DCC: variants seen among roughly 807,000 people sequenced by gnomAD.
DCC encodes netrin receptor DCC.
Under a neutral mutation model 172.5 loss-of-function variants are expected in DCC, and 58 were observed. That is an observed-to-expected ratio of 0.34 (90% CI 0.27 to 0.42). The LOEUF (loss-of-function observed/expected upper bound fraction) is 0.42, where lower values mean the gene tolerates loss of function less well. Among genes scored for constraint, DCC ranks in the 10% least tolerant of loss-of-function variants. The probability of loss-of-function intolerance (pLI) is 1.00; values close to 1 mark genes in which losing one functional copy is unlikely to be tolerated. For missense variants in DCC, 1,740 were observed against 1,791.0 expected (o/e 0.97, Z 0.51); for synonymous variants, 709 against 644.5 (o/e 1.10, Z -1.52).
intron 2 of DCC, among the ~76,000 whole-genome samples, chr18:52,838,305 T>G (rs1322707000): frequency 1.3e-5 from 2 of 152,228 alleles, no homozygotes; most frequent in Admixed American, 6.5e-5. Context: ...CATTTTTAAT[T>G]GAAATATATG....
chr18:53,312,919 GGGGAGGGGAGGGAAGGGAAA>G (rs1181921844), intron 13 of DCC, among the ~76,000 whole-genome samples: 1 of 74,520 alleles, frequency 1.3e-5, no homozygotes, highest in South Asian at 3.6e-4. Context: ...GGGAAAGGGA[GGGGAGGGGAGGGAAGGGAAA>G]GGGAGGGGAG....
chr18:53,408,474 C>T (rs1305621279), intron 19 of DCC, among the ~76,000 whole-genome samples: 1 of 152,120 alleles, frequency 6.6e-6, no homozygotes, highest in African/African-American at 2.4e-5. Flanking sequence ...TCATCAAAGG[C>T]GAAAGAAGAG....
intron 2 of DCC, among the ~76,000 whole-genome samples, chr18:52,893,128 C>G (rs1438999112): frequency 1.3e-5 from 2 of 152,088 alleles, no homozygotes; most frequent in Non-Finnish European, 2.9e-5. Flanking sequence ...CTCTCTACTG[C>G]ATCTTTGTAT....
intron 1 of DCC, among the ~76,000 whole-genome samples, chr18:52,611,686 A>C (rs1748942649): frequency 6.6e-6 from 1 of 152,228 alleles, no homozygotes; most frequent in Non-Finnish European, 1.5e-5. Flanking sequence ...CCATTCTGAC[A>C]CTAACTGCTT....
At chr18:53,467,813 G>T (rs766375828) in intron 24 of DCC, 81 bp from the exon 25 acceptor site, 1 of 789,538 alleles carries the variant, frequency 1.3e-6, no homozygotes, top group Admixed American at 1.7e-5. Context: ...GACTGAAAAG[G>T]CATTGGAATG....
At chr18:53,061,164 G>C (rs2042489704) in intron 5 of DCC, among the ~76,000 whole-genome samples, 1 of 152,054 alleles carries the variant, frequency 6.6e-6, no homozygotes, top group African/African-American at 2.4e-5. Flanking sequence ...TAGTAACAGA[G>C]GCACTCGCAG....
intron 5 of DCC, among the ~76,000 whole-genome samples, chr18:53,015,435 C>CT (rs1034114288): frequency 6.6e-6 from 1 of 152,062 alleles, no homozygotes; most frequent in African/African-American, 2.4e-5. Context: ...TTATTGAACA[C>CT]TTTGTTTCTG....
At chr18:53,364,562 A>G (rs930435013) in intron 15 of DCC, among the ~76,000 whole-genome samples, 3 of 152,136 alleles carry the variant, frequency 2.0e-5, no homozygotes, top group Non-Finnish European at 4.4e-5. Context: ...AAAAATTACA[A>G]CCTTCATCGA....
intron 12 of DCC, among the ~76,000 whole-genome samples, chr18:53,257,248 T>C (rs1568395241): frequency 6.6e-6 from 1 of 152,274 alleles, no homozygotes; most frequent in South Asian, 2.1e-4. Flanking sequence ...TCCAACACTA[T>C]GTTGAATAGG....
intron 5 of DCC, among the ~76,000 whole-genome samples, chr18:53,035,294 A>G (rs890573529): frequency 2.6e-5 from 4 of 151,958 alleles, no homozygotes; most frequent in African/African-American, 9.7e-5. Flanking sequence ...ACTATTTTCT[A>G]TCTCACTAAA....
At chr18:53,049,037 T>C (rs2042298159) in intron 5 of DCC, among the ~76,000 whole-genome samples, 2 of 152,098 alleles carry the variant, frequency 1.3e-5, no homozygotes, top group Non-Finnish European at 2.9e-5. Context: ...GGTTGTTTAG[T>C]ATTTTTTTTG....
At chr18:53,202,114 A>C (rs897225254) in intron 9 of DCC, among the ~76,000 whole-genome samples, 4 of 152,204 alleles carry the variant, frequency 2.6e-5, no homozygotes, top group African/African-American at 9.7e-5. Context: ...TCAAGTAGCA[A>C]CTTATACACC....
At chr18:53,369,954 A>G (rs554736326) in intron 15 of DCC, among the ~76,000 whole-genome samples, 2 of 151,926 alleles carry the variant, frequency 1.3e-5, no homozygotes, top group East Asian at 3.9e-4. Flanking sequence ...CTTTGGTAAT[A>G]GGAAAATGCT....
intron 22 of DCC, among the ~76,000 whole-genome samples, chr18:53,443,245 C>T (rs1283732355): frequency 2.6e-5 from 4 of 152,170 alleles, no homozygotes; most frequent in African/African-American, 9.7e-5. Context: ...GGGTATAGTG[C>T]AGCTGGATTT....
chr18:52,692,253 G>A (rs1287938914), intron 1 of DCC, among the ~76,000 whole-genome samples: 1 of 152,054 alleles, frequency 6.6e-6, no homozygotes, highest in Admixed American at 6.6e-5. Flanking sequence ...GGAAACAAAA[G>A]GATCTTTGCC....
chr18:53,035,140 C>T (rs958233993), intron 5 of DCC, among the ~76,000 whole-genome samples: 1 of 148,022 alleles, frequency 6.8e-6, no homozygotes, highest in African/African-American at 2.5e-5. Context: ...ATTGGGATAT[C>T]CATCACCTCA....
At position 53,139,286 on chromosome 18, in the gene DCC, A is replaced by G. The variant is rs548963265; in HGVS notation, c.1262-18070A>G. 3.3e-5 allele frequency among the ~76,000 whole-genome samples: 5 copies of G among 152,312 alleles called. No homozygotes were observed. In the East Asian group the frequency reaches 9.7e-4, roughly 29 times the overall value. On this transcript the variant is annotated intron_variant, in intron 7 of 28. Coordinates refer to ENST00000442544, the MANE Select transcript of DCC (RefSeq NM_005215.4). ...CAAAAAGCAGCAGAATGTGCTATTTATAATTATGCAGCTTTCTTCTGGGAT... is the reference window on the plus strand; with the variant it reads ...CAAAAAGCAGCAGAATGTGCTATTTGTAATTATGCAGCTTTCTTCTGGGAT...
In DCC at chr18:53,226,948, A is replaced by ATATATATATATATATTTTTTTTTT; in HGVS notation, c.1911+11352_1911+11353insATATATATATATATTTTTTTTTTT. Among the ~76,000 whole-genome samples, 93 of 52,908 alleles carry ATATATATATATATATTTTTTTTTT rather than the reference A, an allele frequency of 1.8e-3. 1 individual carries two copies. Among genetic ancestry groups the ATATATATATATATATTTTTTTTTT allele is most frequent in the African/African-American group, 8.0e-3 (85 of 10,586 alleles). The allele number at this position is 52,908 out of a possible 152,430, so 34.7% of individuals were successfully genotyped here. On this transcript the variant is annotated intron_variant, in intron 12 of 28. Transcript: ENST00000442544. ...TGTGTGTGTGTGTATATATATATAT[A>ATATATATATATATATTTTTTTTTT]TTTTTTTTTTTTTTTTTTTGAGGCA...
At chr18:52,379,244 A>G (rs1004415821) in intron 1 of DCC, among the ~76,000 whole-genome samples, 1 of 146,222 alleles carries the variant, frequency 6.8e-6, no homozygotes, top group African/African-American at 2.6e-5. Context: ...ACAAAAGCAT[A>G]ATGTTTTTTT....
Sources: gnomAD v4.1 joint callset for allele counts (sites outside exome capture counted in the v4.1 genomes callset) on GRCh38, gnomAD v4.1.1 for gene constraint, MANE v1.5 for transcripts, NCBI Gene and HGNC (gene_info 2026-07-23, HGNC 2026-07-21) for gene names.